GPC6: variants seen among roughly 807,000 people sequenced by gnomAD.
GPC6 encodes glypican 6, also known as glypican-6.
In GPC6, 14 loss-of-function variants were observed where a neutral mutation model predicts 55.2. The ratio of observed to expected loss-of-function variants is 0.25; its 90% CI spans 0.17 to 0.40. The LOEUF (loss-of-function observed/expected upper bound fraction) is 0.40, where lower values mean the gene tolerates loss of function less well. GPC6 is among the 10% of genes least tolerant of loss of function. The pLI, the probability that GPC6 is intolerant of heterozygous loss-of-function variation, is 1.00. For synonymous variants in GPC6, 278 were observed against 259.6 expected (o/e 1.07, Z -0.68); for missense variants, 641 against 708.5 (o/e 0.90, Z 1.08).
chr13:94,091,244 A>C (rs1885470060), intron 4 of GPC6, among the ~76,000 whole-genome samples: 1 of 152,280 alleles, frequency 6.6e-6, no homozygotes, highest in African/African-American at 2.4e-5. Context: ...AAACAGAGAA[A>C]TTCAAACTAG....
At chr13:93,889,521 CT>C (rs1401090864) in intron 3 of GPC6, among the ~76,000 whole-genome samples, 1 of 152,026 alleles carries the variant, frequency 6.6e-6, no homozygotes, top group Non-Finnish European at 1.5e-5. Context: ...AGAAAAAACC[CT>C]TTTTAATAGA....
intron 4 of GPC6, among the ~76,000 whole-genome samples, chr13:94,100,171 CAG>C (rs1885805060): frequency 6.6e-6 from 1 of 152,110 alleles, no homozygotes; most frequent in Non-Finnish European, 1.5e-5. Context: ...TGAAGACAAT[CAG>C]ACTCAAATAG....
chr13:93,973,998 G>T (rs762145698), intron 3 of GPC6, among the ~76,000 whole-genome samples: 1 of 152,156 alleles, frequency 6.6e-6, no homozygotes, highest in Non-Finnish European at 1.5e-5. Flanking sequence ...CAGGTTTGTT[G>T]CTTGGCCCTG....
intron 4 of GPC6, among the ~76,000 whole-genome samples, chr13:94,045,857 CATA>C (rs1399965519): frequency 1.3e-5 from 2 of 151,802 alleles, no homozygotes; most frequent in African/African-American, 4.8e-5. Context: ...AGAGAATGTC[CATA>C]ATATTAGTTA....
intron 2 of GPC6, among the ~76,000 whole-genome samples, chr13:93,669,454 A>C (rs1320553545): frequency 6.6e-6 from 1 of 152,178 alleles, no homozygotes. Context: ...GGAAGTTGTA[A>C]GCCCACTGCT....
In GPC6 at chr13:94,067,492, C is replaced by G. The variant is rs1431425224; in HGVS notation, c.877+39598C>G. Among the ~76,000 whole-genome samples the G allele has an allele frequency of 1.5e-3, 231 of 152,138 alleles. 4 individuals carry two copies. The highest frequency in any genetic ancestry group is 1.5e-4 in the Non-Finnish European group (10 of 67,986). On this transcript the variant is annotated intron_variant, in intron 4 of 8. Transcript: ENST00000377047. The stretch of plus-strand genomic sequence containing the variant: ...TCTGTCTGTCTGTCTCTCTCTCTCT[C>G]TCTCTCTCTCTGTGTCTATGTATAG...
At chr13:93,407,646 A>G (rs759665618) in intron 1 of GPC6, among the ~76,000 whole-genome samples, 1 of 152,190 alleles carries the variant, frequency 6.6e-6, no homozygotes, top group Non-Finnish European at 1.5e-5. Flanking sequence ...ATATGTCATA[A>G]TAAAAGATGT....
chr13:94,286,386 A>G lies in GPC6; in HGVS notation c.915A>G (p.Pro305=), dbSNP rs767791389. Residue 305 remains proline (P), a synonymous_variant, in exon 5 of 9, where the codon CCA becomes CCG. Coordinates refer to ENST00000377047, the MANE Select transcript of GPC6 (RefSeq NM_005708.5). The part of the protein sequence containing the change: ...MLLVAERLEG[P]FNIESVMDPI... ...TGGTGGCAGAGCGACTGGAGGGGCCATTCAACATTGAGTCGGTCATGGACC... is the reference window on the plus strand; with the variant it reads ...TGGTGGCAGAGCGACTGGAGGGGCCGTTCAACATTGAGTCGGTCATGGACC... 1 of 1,613,864 alleles carries G rather than the reference A, an allele frequency of 6.2e-7. No homozygotes were observed. Among genetic ancestry groups the G allele is most frequent in the Non-Finnish European group, 8.5e-7 (1 of 1,179,810 alleles).
At chr13:94,315,850 A>T (rs747754951) in intron 6 of GPC6, among the ~76,000 whole-genome samples, 1 of 152,212 alleles carries the variant, frequency 6.6e-6, no homozygotes, top group South Asian at 2.1e-4. Flanking sequence ...TTTAGGGCAA[A>T]CTTGTCCAAC....
At chr13:93,527,701 T>C (rs1459151534) in intron 1 of GPC6, among the ~76,000 whole-genome samples, 2 of 152,124 alleles carry the variant, frequency 1.3e-5, no homozygotes, top group East Asian at 3.9e-4. Flanking sequence ...AAAAGGGCTG[T>C]CTCCTTTTTG....
chr13:93,592,293 T>C (rs1204148508), intron 2 of GPC6, among the ~76,000 whole-genome samples: 3 of 150,932 alleles, frequency 2.0e-5, no homozygotes, highest in African/African-American at 7.3e-5. Flanking sequence ...CAAGCGATTC[T>C]TGTGCTTTAG....
intron 4 of GPC6, among the ~76,000 whole-genome samples, chr13:94,109,107 G>C (rs9524332): frequency 0.14 from 21,301 of 152,138 alleles, 1,778 homozygotes; most frequent in East Asian, 0.33. Flanking sequence ...TGGGAAAATT[G>C]CTTAACTATG....
intron 3 of GPC6, among the ~76,000 whole-genome samples, chr13:93,864,859 C>T (rs536151476): frequency 7.9e-5 from 12 of 151,760 alleles, no homozygotes; most frequent in African/African-American, 2.7e-4. Flanking sequence ...GCGGTAAATC[C>T]TTTGTTGACT....
intron 3 of GPC6, among the ~76,000 whole-genome samples, chr13:93,982,226 A>C (rs1159433984): frequency 6.6e-6 from 1 of 152,196 alleles, no homozygotes; most frequent in African/African-American, 2.4e-5. Flanking sequence ...CATTTTGTGG[A>C]TGATAAAACA....
chr13:93,446,932 G>A (rs545269427), intron 1 of GPC6, among the ~76,000 whole-genome samples: 1 of 151,952 alleles, frequency 6.6e-6, no homozygotes, highest in East Asian at 1.9e-4. Context: ...AATGCCATTA[G>A]CAGAAATATA....
intron 2 of GPC6, among the ~76,000 whole-genome samples, chr13:93,574,297 A>G (rs1028567525): frequency 3.9e-5 from 6 of 152,320 alleles, no homozygotes; most frequent in Admixed American, 1.3e-4. Flanking sequence ...ATAGCTTTAT[A>G]AGAAAAGATA....
At chr13:94,261,916 A>T (rs1891669404) in intron 4 of GPC6, among the ~76,000 whole-genome samples, 1 of 152,240 alleles carries the variant, frequency 6.6e-6, no homozygotes, top group South Asian at 2.1e-4. Flanking sequence ...GCTTGCCTGT[A>T]AATAGGGCAT....
intron 6 of GPC6, among the ~76,000 whole-genome samples, chr13:94,351,979 A>AAAAGAAAAAAAAAAAAAAAAAAAG (rs1566708754): frequency 7.0e-6 from 1 of 142,860 alleles, no homozygotes; most frequent in African/African-American, 2.7e-5. Flanking sequence ...AAAAAAAAAA[A>AAAAGAAAAAAAAAAAAAAAAAAAG]AAAGAAAAAG....
Position 94,069,375 on chromosome 13 carries a change from G to A in GPC6, c.877+41481G>A, listed in dbSNP as rs4494410. ...AACCATTTTTTTCTCCTAAACCTTT[G>A]GGCCTGTGATGGGAGGGGCTGCAGC... On this transcript the variant is annotated intron_variant, in intron 4 of 8. Coordinates refer to ENST00000377047, the MANE Select transcript of GPC6 (RefSeq NM_005708.5). 9.3e-3 allele frequency among the ~76,000 whole-genome samples: 1,417 copies of A among 152,068 alleles called. 7 individuals are homozygous for A. The highest frequency in any genetic ancestry group is 0.016 in the Admixed American group (242 of 15,282).
Sources: allele counts gnomAD v4.1 joint callset (sites outside exome capture counted in the v4.1 genomes callset), GRCh38; gene constraint gnomAD v4.1.1; transcripts MANE v1.5; gene names NCBI Gene and HGNC (gene_info 2026-07-23, HGNC 2026-07-21).